The following COPS9 variants were observed in gnomAD, a reference collection of about 807,000 sequenced individuals.
COPS9 encodes the protein COP9 signalosome subunit 9.
COPS9 carries 8 observed loss-of-function variants against 7.2 expected under a neutral mutation model. The ratio of observed to expected loss-of-function variants is 1.11; its 90% CI spans 0.65 to 2.00. COPS9 has a LOEUF of 2.00. Among genes scored for constraint, COPS9 ranks in the 30% most tolerant of loss-of-function variants. COPS9 has a pLI of 0.00. For missense variants in COPS9, 74 were observed against 77.7 expected, an observed-to-expected ratio of 0.95 and a Z score of 0.18; for synonymous variants, 39 against 28.7, an observed-to-expected ratio of 1.36 and a Z score of -1.14.
intron 2 of COPS9, among the ~76,000 whole-genome samples, chr2:240,133,517 C>A (rs2071942606): frequency 6.6e-6 from 1 of 152,196 alleles, no homozygotes; most frequent in Non-Finnish European, 1.5e-5. Context: ...GCATGAGAAC[C>A]CAGGCAGGCA....
At chr2:240,134,526 G>T (rs1281849478) in intron 1 of COPS9, among the ~76,000 whole-genome samples, 2 of 152,124 alleles carry the variant, frequency 1.3e-5, no homozygotes, top group Non-Finnish European at 2.9e-5. Context: ...AACCCAAGCT[G>T]GGCAATCTGA....
rs1278382349 is a variant in COPS9, at chr2:240,130,993, A to C, written c.*58T>G. On this transcript the variant is annotated 3_prime_UTR_variant, in exon 3 of 3. Transcript: ENST00000607357. Reference sequence around the variant, plus strand: ...AAAACCACCTGAAACTGTCCTGCGCAGGCTCACACTGCGGCTCTGTACCAA... The same window carrying C: ...AAAACCACCTGAAACTGTCCTGCGCCGGCTCACACTGCGGCTCTGTACCAA... 4 of 1,600,496 alleles carry C rather than the reference A, an allele frequency of 2.5e-6. No homozygotes were observed. The highest frequency in any genetic ancestry group is 2.6e-6 in the Non-Finnish European group (3 of 1,174,700).
At position 240,132,361 on chromosome 2, in the gene COPS9, G is replaced by A. The variant is rs112731095; in HGVS notation, c.137-1273C>T. On this transcript the variant is annotated intron_variant, in intron 2 of 2. Transcript: ENST00000607357. The surrounding 1 kb of genome is among the most constrained non-coding windows in gnomAD (Gnocchi z 4.1). ...AAAGCCTCATCCACAGCCCACAGAG[G>A]TCTCTCAAAGTAAATGGCTTCTTGA... 9.7e-4 allele frequency among the ~76,000 whole-genome samples: 148 copies of A among 152,294 alleles called. No homozygotes were observed. Among genetic ancestry groups the A allele is most frequent in the African/African-American group, 3.4e-3 (140 of 41,562 alleles).
chr2:240,134,119 G>C, intron 1 of COPS9, 114 bp from the exon 2 acceptor site: 1 of 918,030 alleles, frequency 1.1e-6, no homozygotes, highest in Admixed American at 2.1e-5. Context: ...GGGGAAACAG[G>C]CTCAAGTTGG....
At position 240,130,927 on chromosome 2, in the gene COPS9, T is replaced by G; in HGVS notation, c.*124A>C. On this transcript the variant is annotated 3_prime_UTR_variant, in exon 3 of 3. Transcript: ENST00000607357. The stretch of plus-strand genomic sequence containing the variant: ...GTTAAGAACAGTCTTATCTTTCTGG[T>G]TAACCAGGTCCTAAATTCAAGGGAT... 6.7e-7 allele frequency: 1 copy of G among 1,489,392 alleles called. No individual in the cohort carries two copies. Among genetic ancestry groups the G allele is most frequent in the African/African-American group, 1.4e-5 (1 of 71,178 alleles). The allele number at this position is 1,489,392 out of a possible 1,614,324, so 92.3% of individuals were successfully genotyped here.
In COPS9 at chr2:240,132,819, C is replaced by T. The variant is rs1292498688; in HGVS notation, c.136+1114G>A. Among the ~76,000 whole-genome samples the T allele has an allele frequency of 6.6e-6, 1 of 152,242 alleles. No homozygotes were observed. The highest frequency in any genetic ancestry group is 1.5e-5 in the Non-Finnish European group (1 of 68,042). On this transcript the variant is annotated intron_variant, in intron 2 of 2. Transcript: ENST00000607357. This position sits in a 1 kb window ranked among gnomAD's most constrained non-coding sequence, Gnocchi z 4.1. Reference sequence around the variant, plus strand: ...AGCAGCTTTGGAGAGCGCTCTGCAGCTTTGTACAATTTGTTCCCTCTGAAG... The same window carrying T: ...AGCAGCTTTGGAGAGCGCTCTGCAGTTTTGTACAATTTGTTCCCTCTGAAG...
At chr2:240,129,812 GCTC>G, downstream of COPS9, 1 of 1,051,354 alleles carries the variant, frequency 9.5e-7, no homozygotes, top group Non-Finnish European at 1.4e-6. Flanking sequence ...TGGAAACCCT[GCTC>G]CTCGCCTGCA....
At chr2:240,131,266 A>C (rs548712126) in intron 2 of COPS9, among the ~76,000 whole-genome samples, 178 bp from the exon 3 acceptor site, 18 of 152,344 alleles carry the variant, frequency 1.2e-4, no homozygotes, top group African/African-American at 4.3e-4. Flanking sequence ...TCGTACATGT[A>C]GTCCAAGGGG....
rs950056256 is a variant in COPS9 at position 240,132,021 on chromosome 2, G to A, written c.137-933C>T. Among the ~76,000 whole-genome samples the A allele has an allele frequency of 2.6e-5, 4 of 152,166 alleles. No individual in the cohort carries two copies. The highest frequency in any genetic ancestry group is 2.1e-4 in the South Asian group (1 of 4,826). ...CACCCCCACGTCCTCACTGCCTCCCGACTGCTGGTTGTGGTTCGCCGCTAG... is the reference window on the plus strand; with the variant it reads ...CACCCCCACGTCCTCACTGCCTCCCAACTGCTGGTTGTGGTTCGCCGCTAG... On this transcript the variant is annotated intron_variant, in intron 2 of 2. Transcript: ENST00000607357. The surrounding 1 kb of genome is among the most constrained non-coding windows in gnomAD (Gnocchi z 4.1).
At chr2:240,136,135 C>T in intron 1 of COPS9, 87 bp downstream of exon 1, 1 of 1,362,944 alleles carries the variant, frequency 7.3e-7, no homozygotes, top group South Asian at 1.7e-5. Context: ...GGCCTCCCCT[C>T]CCCGGGACCC....
intron 1 of COPS9, chr2:240,135,994 TGGTCCCCCGGGCTA>T (rs1347866137): frequency 3.1e-6 from 2 of 651,008 alleles, no homozygotes; most frequent in African/African-American, 3.9e-5. Context: ...CTGCGCCTCC[TGGTCCCCCGGGCTA>T]GGGCACACGC....
downstream of COPS9, chr2:240,130,088 A>G (rs2071906540): frequency 7.3e-7 from 1 of 1,365,694 alleles, no homozygotes; most frequent in Non-Finnish European, 1.0e-6. Flanking sequence ...TCCACTCACC[A>G]CTCATGAGAA....
chr2:240,134,050 A>G (rs1465079914), intron 1 of COPS9, 45 bp from the exon 2 acceptor site: 3 of 1,592,766 alleles, frequency 1.9e-6, no homozygotes, highest in Non-Finnish European at 2.6e-6. Flanking sequence ...GTTTTCCGAA[A>G]GAACAGGTGA....
chr2:240,127,024 C>A (rs2071873240), downstream of COPS9: 5 of 1,500,424 alleles, frequency 3.3e-6, no homozygotes, highest in South Asian at 6.1e-5. Flanking sequence ...TGGGACAAGT[C>A]ATTCTGTCCA....
downstream of COPS9, chr2:240,130,717 T>A: frequency 1.0e-6 from 1 of 997,814 alleles, no homozygotes; most frequent in South Asian, 3.8e-5. Context: ...CAAATGTGGT[T>A]CTCTCAGCGT....
At chr2:240,135,971 C>T in intron 1 of COPS9, 1 of 559,450 alleles carries the variant, frequency 1.8e-6, no homozygotes, top group Non-Finnish European at 2.9e-6. Flanking sequence ...CCAGCAGGCA[C>T]TCAACCCTCA....
At position 240,130,851 on chromosome 2, in the gene COPS9, A is replaced by C; in HGVS notation, c.*200T>G. On this transcript the variant is annotated 3_prime_UTR_variant, in exon 3 of 3. Coordinates refer to ENST00000607357, the MANE Select transcript of COPS9 (RefSeq NM_001163424.2). ...TGTGACATTGCTTTCTTTTAATTGGAGTGAGGACAAAACCTGATCCCGTTC... is the reference window on the plus strand; with the variant it reads ...TGTGACATTGCTTTCTTTTAATTGGCGTGAGGACAAAACCTGATCCCGTTC... The C allele has an allele frequency of 7.1e-7, 1 of 1,410,236 alleles. No individual in the cohort carries two copies. Among genetic ancestry groups the C allele is most frequent in the Non-Finnish European group, 9.2e-7 (1 of 1,085,736 alleles). The allele number at this position is 1,410,236 out of a possible 1,614,324, so 87.4% of individuals were successfully genotyped here.
rs35694815 is a variant in COPS9 at position 240,132,107 on chromosome 2, G to GC, written c.137-1020dup. ...CACACCTTCCGACCTCTGCTCTGCT[G>GC]CCCCCTCTGGAGAAACCTCCCTCTG... is the stretch of plus-strand genomic sequence containing the variant. On this transcript the variant is annotated intron_variant, in intron 2 of 2. Coordinates refer to ENST00000607357, the MANE Select transcript of COPS9 (RefSeq NM_001163424.2). This position sits in a 1 kb window ranked among gnomAD's most constrained non-coding sequence, Gnocchi z 4.1. Among the ~76,000 whole-genome samples, 26 of 152,306 alleles carry GC rather than the reference G, an allele frequency of 1.7e-4. No individual in the cohort carries two copies. The highest frequency in any genetic ancestry group is 9.8e-4 in the Admixed American group (15 of 15,296).
intron 1 of COPS9, chr2:240,135,831 A>C: frequency 6.3e-6 from 1 of 159,650 alleles, no homozygotes; most frequent in Non-Finnish European, 1.2e-5. Context: ...CAAATCCCCT[A>C]ACACGAGCTC....
Sources: gnomAD v4.1 joint callset for allele counts (sites outside exome capture counted in the v4.1 genomes callset) on GRCh38, gnomAD v4.1.1 for gene constraint, Gnocchi (gnomAD v3.1) non-coding constraint, MANE v1.5 for transcripts, NCBI Gene and HGNC (gene_info 2026-07-23, HGNC 2026-07-21) for gene names.